DCUN1D2: variants seen among roughly 807,000 people sequenced by gnomAD.
The protein encoded by DCUN1D2 is defective in cullin neddylation 1 domain containing 2, also known as DCN1-like protein 2.
DCUN1D2 carries 29 observed loss-of-function variants against 30.9 expected under a neutral mutation model. The ratio of observed to expected loss-of-function variants is 0.94; its 90% CI spans 0.70 to 1.28. The LOEUF is 1.28. DCUN1D2 is among the 50% of genes most tolerant of loss of function. The probability of loss-of-function intolerance (pLI) is 0.00; values close to 1 mark genes in which losing one functional copy is unlikely to be tolerated. For missense variants in DCUN1D2, 325 were observed against 316.9 expected, an observed-to-expected ratio of 1.03 and a Z score of -0.19; for synonymous variants, 121 against 115.3, an observed-to-expected ratio of 1.05 and a Z score of -0.32.
chr13:113,470,091 CGTAA>C (rs1254478426), intron 4 of DCUN1D2, among the ~76,000 whole-genome samples: 1 of 152,194 alleles, frequency 6.6e-6, no homozygotes, highest in Non-Finnish European at 1.5e-5. Flanking sequence ...TGATAGTCCG[CGTAA>C]GTGACAGCAG....
In DCUN1D2 at chr13:113,456,430, G is replaced by A. The variant is rs142454416; in HGVS notation, c.*1599C>T. ...AAGCCCAGGGTAAGTCCTGTTCTCA[G>A]AAGCCAACCCAGCTGCTTGTCTGGG... On this transcript the variant is annotated 3_prime_UTR_variant, in exon 7 of 7. Transcript: ENST00000478244. 7.5e-6 allele frequency: 3 copies of A among 398,836 alleles called. No homozygotes were observed. The highest frequency in any genetic ancestry group is 6.2e-5 in the African/African-American group (3 of 48,764). The allele number at this position is 398,836 out of a possible 1,614,324, so 24.7% of individuals were successfully genotyped here.
intron 1 of DCUN1D2, among the ~76,000 whole-genome samples, chr13:113,487,672 G>C (rs1465451363): frequency 6.6e-6 from 1 of 152,192 alleles, no homozygotes; most frequent in Non-Finnish European, 1.5e-5. Flanking sequence ...AGAGAGAAAG[G>C]TGAGTGGTAG....
Position 113,456,298 on chromosome 13 carries a change from C to T in DCUN1D2, c.*1731G>A, listed in dbSNP as rs2044225375. 3 of 398,780 alleles carry T rather than the reference C, an allele frequency of 7.5e-6. No individual in the cohort carries two copies. The highest frequency in any genetic ancestry group is 1.3e-5 in the Non-Finnish European group (3 of 226,172). The allele number at this position is 398,780 out of a possible 1,614,324, so 24.7% of individuals were successfully genotyped here. Reference sequence around the variant, plus strand: ...GGCGGGGTCTGCAGGCTGCAGGTCCCTTCCAGTCCTGTCCCTGCTGCCCTC... The same window carrying T: ...GGCGGGGTCTGCAGGCTGCAGGTCCTTTCCAGTCCTGTCCCTGCTGCCCTC... On this transcript the variant is annotated 3_prime_UTR_variant, in exon 7 of 7. Transcript: ENST00000478244.
chr13:113,459,309 T>C lies in DCUN1D2; in HGVS notation c.700+3A>G. Reference sequence around the variant, plus strand: ...CAATCATCTGAAGCACAACTTCCGGTACCTTCTTCATCGTAGTTAGACATA... The same window carrying C: ...CAATCATCTGAAGCACAACTTCCGGCACCTTCTTCATCGTAGTTAGACATA... On this transcript the variant is annotated splice_donor_region_variant and intron_variant, in intron 6 of 6. Coordinates refer to ENST00000478244, the MANE Select transcript of DCUN1D2 (RefSeq NM_001014283.2). 4 of 1,532,816 alleles carry C rather than the reference T, an allele frequency of 2.6e-6. No individual in the cohort carries two copies. Among genetic ancestry groups the C allele is most frequent in the Non-Finnish European group, 3.6e-6 (4 of 1,106,058 alleles). The allele number at this position is 1,532,816 out of a possible 1,614,324, so 95.0% of individuals were successfully genotyped here.
Position 113,490,422 on chromosome 13 carries a change from C to A in DCUN1D2, c.3+245G>T. ...CCCTACAGTTCCTCCCGGCCCCCGC[C>A]CTCCGCTCACTCCCGGTCGTCCCTC... On this transcript the variant is annotated intron_variant, in intron 1 of 6. Transcript: ENST00000478244. The surrounding 1 kb of genome is among the most constrained non-coding windows in gnomAD (Gnocchi z 5.2). The A allele has an allele frequency of 2.8e-6, 1 of 359,128 alleles. No homozygotes were observed. The highest frequency in any genetic ancestry group is 5.2e-5 in the South Asian group (1 of 19,414). 22.2% of individuals were successfully genotyped at this position (359,128 alleles called of 1,614,324 possible). A position where few individuals can be genotyped will look rare whatever the true frequency, so the allele number is the denominator to read the frequency against.
At chr13:113,468,540 G>T (rs959053291) in intron 4 of DCUN1D2, among the ~76,000 whole-genome samples, 2 of 152,146 alleles carry the variant, frequency 1.3e-5, no homozygotes, top group Non-Finnish European at 2.9e-5. Context: ...AAAGACAAAA[G>T]AACAGTCCTG....
Position 113,456,773 on chromosome 13 carries a change from T to C in DCUN1D2, c.*1256A>G, listed in dbSNP as rs2044233172. On this transcript the variant is annotated 3_prime_UTR_variant, in exon 7 of 7. Coordinates refer to ENST00000478244, the MANE Select transcript of DCUN1D2 (RefSeq NM_001014283.2). ...GGTTGGGTTTTTTCAGACAACGATG[T>C]ACATTTTAGCTTCCAAATGTGCACA... The C allele has an allele frequency of 6.0e-6, 1 of 166,766 alleles. No homozygotes were observed. The highest frequency in any genetic ancestry group is 2.4e-5 in the African/African-American group (1 of 42,042). 10.3% of individuals were successfully genotyped at this position (166,766 alleles called of 1,614,324 possible).
Position 113,478,702 on chromosome 13 carries a change from A to G in DCUN1D2, c.389+1873T>C, listed in dbSNP as rs78809169. On this transcript the variant is annotated intron_variant, in intron 3 of 6. Transcript: ENST00000478244. ...TCCATTGTAATTTCTTTCTCATCCCAAGGGTTACTTAGAGGTATGCAATAT... is the reference window on the plus strand; with the variant it reads ...TCCATTGTAATTTCTTTCTCATCCCGAGGGTTACTTAGAGGTATGCAATAT... 3.3e-3 allele frequency among the ~76,000 whole-genome samples: 498 copies of G among 152,192 alleles called. 1 individual carries two copies. The highest frequency in any genetic ancestry group is 0.011 in the African/African-American group (470 of 41,528).
intron 6 of DCUN1D2, among the ~76,000 whole-genome samples, chr13:113,458,657 C>T (rs770456855): frequency 1.3e-5 from 2 of 152,168 alleles, no homozygotes; most frequent in Admixed American, 6.5e-5. Context: ...GATCTAGGGA[C>T]GGTGCAAAGT....
upstream of DCUN1D2, chr13:113,491,388 T>C (rs1291766535): frequency 6.8e-6 from 1 of 147,406 alleles, no homozygotes; most frequent in Non-Finnish European, 1.5e-5. Context: ...CCTTCTTCCC[T>C]TCCCAAGGGT....
chr13:113,459,886 GCT>G (rs1296264648), intron 5 of DCUN1D2, among the ~76,000 whole-genome samples: 1 of 152,180 alleles, frequency 6.6e-6, no homozygotes, highest in African/African-American at 2.4e-5. Context: ...CCAAAGCCGT[GCT>G]CCATCGCACC....
intron 1 of DCUN1D2, chr13:113,489,023 G>A (rs767416536): frequency 4.7e-6 from 3 of 633,258 alleles, no homozygotes; most frequent in Non-Finnish European, 5.9e-6. Flanking sequence ...ATATAATCTG[G>A]CACCAAGGAT....
intron 3 of DCUN1D2, 70 bp downstream of exon 3, chr13:113,480,505 G>A (rs1218451468): frequency 1.3e-6 from 2 of 1,551,118 alleles, no homozygotes; most frequent in African/African-American, 2.7e-5. Context: ...AGTATGTACA[G>A]GTTGCTGAAA....
rs1040898721 is a variant in DCUN1D2 at position 113,460,771 on chromosome 13, G to A, written c.603+283C>T. Among the ~76,000 whole-genome samples, 8 of 152,246 alleles carry A rather than the reference G, an allele frequency of 5.3e-5. No homozygotes were observed. The South Asian group carries it at 6.2e-4, about 12-fold the overall frequency. ...GAGGAGACAACACGGGGGCTGCTGGGGTTGCAGAGTCTCCAGGAACCCCAG... is the reference window on the plus strand; with the variant it reads ...GAGGAGACAACACGGGGGCTGCTGGAGTTGCAGAGTCTCCAGGAACCCCAG... On this transcript the variant is annotated intron_variant, in intron 5 of 6. Coordinates refer to ENST00000478244, the MANE Select transcript of DCUN1D2 (RefSeq NM_001014283.2).
At chr13:113,462,911 A>T in intron 4 of DCUN1D2, 1 of 1,240,870 alleles carries the variant, frequency 8.1e-7, no homozygotes, top group African/African-American at 1.6e-5. Context: ...AAAAAAAAAT[A>T]AAGTTTTATG....
At chr13:113,461,176 C>T (rs1189200749) in intron 4 of DCUN1D2, 40 bp from the exon 5 acceptor site, 1 of 1,332,412 alleles carries the variant, frequency 7.5e-7, no homozygotes, top group African/African-American at 1.5e-5. Context: ...AAATCTCACT[C>T]TCTTTTTCTA....
At chr13:113,471,138 A>G (rs2044505024) in intron 4 of DCUN1D2, among the ~76,000 whole-genome samples, 1 of 150,752 alleles carries the variant, frequency 6.6e-6, no homozygotes, top group African/African-American at 2.4e-5. Context: ...CCAACTCCAC[A>G]GAAGACCCAA....
In DCUN1D2 at chr13:113,459,336, C is replaced by T. The variant is rs768395756; in HGVS notation, c.676G>A (p.Asp226Asn). ...LLDFGNMIAD[D>N]MSNYDEEGAW... ...CCTTCTTCATCGTAGTTAGACATAT[C>T]ATCCGCAATCATGTTTCCAAAGTCC... Residue 226 changes from aspartate to asparagine, a missense_variant, in exon 6 of 7, where the codon GAT becomes AAT. Transcript: ENST00000478244. 1.3e-6 allele frequency: 2 copies of T among 1,597,586 alleles called. No individual in the cohort carries two copies. The highest frequency in any genetic ancestry group is 1.1e-5 in the South Asian group (1 of 90,702).
chr13:113,457,940 G>C lies in DCUN1D2; in HGVS notation c.*89C>G, dbSNP rs1261468578. 27 of 1,216,600 alleles carry C rather than the reference G, an allele frequency of 2.2e-5. No homozygotes were observed. Among genetic ancestry groups the C allele is most frequent in the East Asian group, 4.7e-5 (2 of 42,806 alleles). The allele number at this position is 1,216,600 out of a possible 1,614,324, so 75.4% of individuals were successfully genotyped here. A position where few individuals can be genotyped will look rare whatever the true frequency, so the allele number is the denominator to read the frequency against. On this transcript the variant is annotated 3_prime_UTR_variant, in exon 7 of 7. Transcript: ENST00000478244. ...CATGGCTGGTCAAGAATGACTTCTG[G>C]AATCAGCGACAATGCACCCAGGAAC...
Sources: gnomAD v4.1 joint callset for allele counts (sites outside exome capture counted in the v4.1 genomes callset) on GRCh38, gnomAD v4.1.1 for gene constraint, Gnocchi (gnomAD v3.1) non-coding constraint, MANE v1.5 for transcripts, NCBI Gene and HGNC (gene_info 2026-07-23, HGNC 2026-07-21) for gene names.